Variants in AKR1A1 observed in about 807,000 individuals in gnomAD.
The protein encoded by AKR1A1 is HEL-S-165mP.
Under a neutral mutation model 39.2 loss-of-function variants are expected in AKR1A1, and 26 were observed. The observed-to-expected ratio is 0.66, with a 90% CI of 0.49 to 0.92. The LOEUF (loss-of-function observed/expected upper bound fraction) is 0.92, where lower values mean the gene tolerates loss of function less well. Among genes scored for constraint, AKR1A1 ranks in the 40% least tolerant of loss-of-function variants. The pLI, the probability that AKR1A1 is intolerant of heterozygous loss-of-function variation, is 0.00. For synonymous variants in AKR1A1, 141 were observed against 155.5 expected, an observed-to-expected ratio of 0.91 and a Z score of 0.69; for missense variants, 378 against 406.5, an observed-to-expected ratio of 0.93 and a Z score of 0.60.
At chr1:45,569,754 A>G (rs555989805) in intron 8 of AKR1A1, 137 bp from the exon 9 acceptor site, 9 of 712,736 alleles carry the variant, frequency 1.3e-5, no homozygotes, top group African/African-American at 1.7e-5. Context: ...TTCTCTGAGG[A>G]TGGGGATCCC....
At position 45,568,466 on chromosome 1, in the gene AKR1A1, G is replaced by A. The variant is rs1317812312; in HGVS notation, c.553-19G>A. 2.5e-6 allele frequency: 4 copies of A among 1,613,016 alleles called. No individual in the cohort carries two copies. Among genetic ancestry groups the A allele is most frequent in the Non-Finnish European group, 3.4e-6 (4 of 1,179,876 alleles). On this transcript the variant is annotated intron_variant, in intron 5 of 8. Coordinates refer to ENST00000351829, the MANE Select transcript of AKR1A1 (RefSeq NM_153326.3). Reference sequence around the variant, plus strand: ...CTGGGTGTCACCACTTCATGGTGATGGGTTATTCTTTGGCTCAGGTGGAAT... The same window carrying A: ...CTGGGTGTCACCACTTCATGGTGATAGGTTATTCTTTGGCTCAGGTGGAAT...
chr1:45,561,862 A>G lies in AKR1A1; in HGVS notation c.68A>G (p.Lys23Arg). Residue 23 changes from lysine (K) to arginine (R), a missense_variant, in exon 2 of 9, where the codon AAG (lysine) becomes AGG (arginine). By Grantham distance (26) the Lys-to-Arg change is conservative (BLOSUM62 2). Coordinates refer to ENST00000351829, the MANE Select transcript of AKR1A1 (RefSeq NM_153326.3). The part of the protein sequence containing the change: ...KMPLIGLGTW[K>R]SEPGQVKAAV... ...CCTCTGATTGGTCTGGGTACCTGGA[A>G]GAGTGAGCCTGGTCAGGTGAGGGAT... 3.7e-6 allele frequency: 6 copies of G among 1,614,134 alleles called. No homozygotes were observed. The highest frequency in any genetic ancestry group is 5.1e-6 in the Non-Finnish European group (6 of 1,180,002).
intron 2 of AKR1A1, among the ~76,000 whole-genome samples, chr1:45,564,972 C>A (rs1447027889): frequency 2.7e-5 from 4 of 150,278 alleles, no homozygotes; most frequent in African/African-American, 9.8e-5. Flanking sequence ...ACAGGCACCC[C>A]CTACCACGCC....
At chr1:45,561,914 G>A (rs774927334) in intron 2 of AKR1A1, 36 bp downstream of exon 2, 1 of 1,603,502 alleles carries the variant, frequency 6.2e-7, no homozygotes, top group East Asian at 2.2e-5. Flanking sequence ...AACTTGTTGA[G>A]CCTCTGCCTG....
intron 1 of AKR1A1, among the ~76,000 whole-genome samples, chr1:45,553,182 G>A (rs1385490164): frequency 1.3e-5 from 2 of 151,982 alleles, no homozygotes; most frequent in South Asian, 2.1e-4. Context: ...CCAGCACTTC[G>A]GGAGGCTGAG....
intron 1 of AKR1A1, among the ~76,000 whole-genome samples, chr1:45,561,412 T>C (rs1644275864): frequency 6.6e-6 from 1 of 152,046 alleles, no homozygotes; most frequent in Admixed American, 6.6e-5. Flanking sequence ...GGCCCATGCT[T>C]TGTAGTAGTG....
Position 45,568,049 on chromosome 1 carries a change from G to A in AKR1A1, c.424G>A (p.Glu142Lys), listed in dbSNP as rs753056697. ...TICYDSTHYK[E>K]TWKALEALVA... ...ATGCTACGACTCCACCCACTACAAG[G>A]AGACTTGGAAGGCTCTGGAGGCACT... The change falls in exon 5 of 9, where the codon GAG becomes AAG. Residue 142 changes from glutamate to lysine, a missense_variant. Transcript: ENST00000351829. The A allele has an allele frequency of 4.9e-5, 79 of 1,613,948 alleles. No homozygotes were observed. The Admixed American group carries it at 1.2e-3, about 25-fold the overall frequency.
At chr1:45,565,989 G>C (rs1644338711) in intron 2 of AKR1A1, among the ~76,000 whole-genome samples, 2 of 152,132 alleles carry the variant, frequency 1.3e-5, no homozygotes, top group Admixed American at 1.3e-4. Context: ...AGACCTTGCT[G>C]AGATGGCTTG....
chr1:45,557,481 A>G (rs1644220007), intron 1 of AKR1A1, among the ~76,000 whole-genome samples: 1 of 152,290 alleles, frequency 6.6e-6, no homozygotes, highest in South Asian at 2.1e-4. Flanking sequence ...TTCGGTGTTC[A>G]GTTTCACCAG....
At chr1:45,564,907 C>A (rs894055256) in intron 2 of AKR1A1, among the ~76,000 whole-genome samples, 1 of 151,778 alleles carries the variant, frequency 6.6e-6, no homozygotes, top group South Asian at 2.1e-4. Flanking sequence ...ACTGCAAGCT[C>A]CGCCTCCTAG....
rs560945691 is a variant in AKR1A1 at position 45,566,502 on chromosome 1, CTTG to C, written c.85-66_85-64del. The C allele has an allele frequency of 1.7e-4, 266 of 1,599,560 alleles. No homozygotes were observed. The East Asian group carries it at 5.7e-3, about 35-fold the overall frequency. ...TGAGCCCCCTTCCCCCAGCATTGAC[CTTG>C]GGGTGGTGACAGTAGAAGGCTGAAA... On this transcript the variant is annotated intron_variant, in intron 2 of 8. Coordinates refer to ENST00000351829, the MANE Select transcript of AKR1A1 (RefSeq NM_153326.3).
intron 1 of AKR1A1, among the ~76,000 whole-genome samples, chr1:45,553,451 G>A (rs560863711): frequency 1.8e-4 from 27 of 151,978 alleles, no homozygotes; most frequent in African/African-American, 6.3e-4. Flanking sequence ...GGTCAGAGAT[G>A]GGGCAGTGGC....
Position 45,559,965 on chromosome 1 carries a change from C to T in AKR1A1, c.-6-1824C>T, listed in dbSNP as rs151111356. 7.0e-4 allele frequency among the ~76,000 whole-genome samples: 106 copies of T among 150,850 alleles called. 2 individuals are homozygous for T. Among genetic ancestry groups the T allele is most frequent in the South Asian group, 2.5e-3 (12 of 4,748 alleles). On this transcript the variant is annotated intron_variant, in intron 1 of 8. Transcript: ENST00000351829. The stretch of plus-strand genomic sequence containing the variant: ...CCCAGCCAGTTTTGCCACTTCTTAG[C>T]TGTTGATTTGGAGCAAATAACTTCA...
At chr1:45,557,563 C>G (rs1644221037) in intron 1 of AKR1A1, among the ~76,000 whole-genome samples, 1 of 152,184 alleles carries the variant, frequency 6.6e-6, no homozygotes, top group African/African-American at 2.4e-5. Flanking sequence ...TGTTCAAGCT[C>G]TCACCCCAGG....
chr1:45,568,102 G>T lies in AKR1A1; in HGVS notation c.477G>T (p.Leu159=). 6.2e-7 allele frequency: 1 copy of T among 1,614,074 alleles called. No individual in the cohort carries two copies. The highest frequency in any genetic ancestry group is 8.5e-7 in the Non-Finnish European group (1 of 1,180,020). The change falls in exon 5 of 9, where the codon CTG becomes CTT. Residue 159 remains leucine (L), a synonymous_variant. Transcript: ENST00000351829. ...ALVAKGLVQA[L]GLSNFNSRQI... ...TGGCTAAGGGGCTGGTGCAGGCGCT[G>T]GGCCTGTCCAACTTCAACAGTCGGC...
intron 1 of AKR1A1, among the ~76,000 whole-genome samples, chr1:45,552,786 G>A (rs948239971): frequency 2.6e-5 from 4 of 152,108 alleles, no homozygotes; most frequent in Non-Finnish European, 4.4e-5. Flanking sequence ...GATGGACTGC[G>A]GGAAGAGGGA....
chr1:45,568,529 C>T lies in AKR1A1; in HGVS notation c.597C>T (p.His199=), dbSNP rs750613607. ...PYLAQNELIA[H]CQARGLEVTA... ...TGGCTCAAAATGAGCTAATTGCCCA[C>T]TGCCAAGCACGTGGCCTGGAGGTAA... The change falls in exon 6 of 9, where the codon CAC becomes CAT. Residue 199 remains histidine, a synonymous_variant. Transcript: ENST00000351829. The T allele has an allele frequency of 1.2e-6, 2 of 1,613,936 alleles. No individual in the cohort carries two copies. Among genetic ancestry groups the T allele is most frequent in the Admixed American group, 1.7e-5 (1 of 60,024 alleles).
chr1:45,566,783 C>G, intron 3 of AKR1A1, 86 bp from the exon 4 acceptor site: 1 of 1,593,634 alleles, frequency 6.3e-7, no homozygotes, highest in Non-Finnish European at 8.6e-7. Context: ...GCATCAGCTT[C>G]CTTCCAGTTC....
chr1:45,563,076 TC>T (rs869206730), intron 2 of AKR1A1, among the ~76,000 whole-genome samples: 3 of 113,746 alleles, frequency 2.6e-5, no homozygotes, highest in Admixed American at 9.5e-5. Flanking sequence ...GCCACTGCAC[TC>T]CAGCCTGGAC....
Sources: allele counts gnomAD v4.1 joint callset (sites outside exome capture counted in the v4.1 genomes callset), GRCh38; gene constraint gnomAD v4.1.1; transcripts MANE v1.5; gene names NCBI Gene and HGNC (gene_info 2026-07-23, HGNC 2026-07-21).